Variants in BRPF3 observed in about 807,000 individuals in gnomAD.
BRPF3 encodes the protein bromodomain and PHD finger containing 3.
A neutral mutation model predicts 102.0 loss-of-function variants in BRPF3; 18 were observed. That is an observed-to-expected ratio of 0.18 (90% CI 0.12 to 0.26). The LOEUF (loss-of-function observed/expected upper bound fraction) is 0.26. Among genes scored for constraint, BRPF3 ranks in the 10% least tolerant of loss-of-function variants. The probability of loss-of-function intolerance (pLI) is 1.00; values close to 1 mark genes in which losing one functional copy is unlikely to be tolerated. For missense variants in BRPF3, 1,147 were observed against 1,567.8 expected, an observed-to-expected ratio of 0.73 and a Z score of 4.53; for synonymous variants, 570 against 614.2, an observed-to-expected ratio of 0.93 and a Z score of 1.06.
chr6:36,206,966 G>A (rs904356169), intron 3 of BRPF3, among the ~76,000 whole-genome samples: 1 of 152,096 alleles, frequency 6.6e-6, no homozygotes, highest in Admixed American at 6.5e-5. Flanking sequence ...TTCTAGCCAA[G>A]TGAAAGCTCT....
chr6:36,228,137 T>C (rs1399583157), intron 11 of BRPF3, among the ~76,000 whole-genome samples: 1 of 152,192 alleles, frequency 6.6e-6, no homozygotes, highest in African/African-American at 2.4e-5. Context: ...CTTGGTGTTT[T>C]CCTCTTGTCA....
In BRPF3 at chr6:36,211,437, CCACCACAGCCACCAT is replaced by C. The variant is rs761805217; in HGVS notation, c.2363_2377del (p.Pro788_Ser792del). ...TCGGCAGAAGCTGGCACAGCCACCA[CCACCACAGCCACCAT>C]CACTCAACAAGACAGTATCCAATGG... On this transcript the variant is annotated inframe_deletion, in exon 7 of 13. Coordinates refer to ENST00000357641, the MANE Select transcript of BRPF3 (RefSeq NM_015695.3). 54 of 1,609,730 alleles carry C rather than the reference CCACCACAGCCACCAT, an allele frequency of 3.4e-5. No individual in the cohort carries two copies. In the East Asian group the frequency reaches 1.2e-3, roughly 36 times the overall value.
intron 10 of BRPF3, among the ~76,000 whole-genome samples, chr6:36,223,888 A>T (rs1768639683): frequency 6.6e-6 from 1 of 152,220 alleles, no homozygotes; most frequent in South Asian, 2.1e-4. Context: ...GGCTCTTCAG[A>T]CATACTGCCA....
rs199680892 is a variant in BRPF3, at chr6:36,209,856, G to C, written c.1807G>C (p.Asp603His). ...PFNVLLRTTL[D>H]LLQEKDPAHI... Reference sequence around the variant, plus strand: ...CAATGTTCTGTTGAGGACAACACTGGACCTGCTGCAGGAGAAGGATCCTGC... The same window carrying C: ...CAATGTTCTGTTGAGGACAACACTGCACCTGCTGCAGGAGAAGGATCCTGC... Residue 603 changes from aspartate (D) to histidine (H), a missense_variant, in exon 5 of 13, where the codon GAC becomes CAC. Asp to His is a moderately conservative substitution (Grantham distance 81). Coordinates refer to ENST00000357641, the MANE Select transcript of BRPF3 (RefSeq NM_015695.3). The C allele has an allele frequency of 6.2e-7, 1 of 1,614,184 alleles. No individual in the cohort carries two copies. Among genetic ancestry groups the C allele is most frequent in the Admixed American group, 1.7e-5 (1 of 60,026 alleles).
At chr6:36,218,121 C>T (rs752490485) in intron 9 of BRPF3, 111 bp downstream of exon 9, 4 of 894,850 alleles carry the variant, frequency 4.5e-6, no homozygotes, top group Non-Finnish European at 6.8e-6. Context: ...TCTTCCCCCA[C>T]TCCTGCTATT....
intron 9 of BRPF3, among the ~76,000 whole-genome samples, chr6:36,218,523 G>C (rs1237507814): frequency 6.8e-6 from 1 of 148,004 alleles, no homozygotes; most frequent in South Asian, 2.2e-4. Flanking sequence ...GCAGTGGCCC[G>C]ATCTCGGCTC....
intron 8 of BRPF3, among the ~76,000 whole-genome samples, chr6:36,217,147 T>C (rs1193030842): frequency 4.6e-5 from 7 of 152,208 alleles, no homozygotes; most frequent in Admixed American, 4.6e-4. Context: ...GGCTCCCCAC[T>C]ATAAACAGAC....
At chr6:36,202,508 A>G (rs899035553) in intron 2 of BRPF3, among the ~76,000 whole-genome samples, 10 of 126,568 alleles carry the variant, frequency 7.9e-5, no homozygotes, top group East Asian at 2.6e-4. Flanking sequence ...GAGGGATGGG[A>G]GCTTGGCAGA....
intron 11 of BRPF3, among the ~76,000 whole-genome samples, chr6:36,226,500 C>T (rs1486122252): frequency 1.3e-5 from 2 of 152,160 alleles, no homozygotes; most frequent in African/African-American, 4.8e-5. Flanking sequence ...ACCTCCACCC[C>T]AGCGCTATCA....
At position 36,232,210 on chromosome 6, in the gene BRPF3, A is replaced by AG; in HGVS notation, c.*1603dup. ...AAACAATACAGCATATGGCTAGGGA[A>AG]GGACATGGTGTATATAATTGTAAAA... On this transcript the variant is annotated 3_prime_UTR_variant, in exon 13 of 13. Transcript: ENST00000357641. 6.5e-6 allele frequency: 1 copy of AG among 152,732 alleles called. No individual in the cohort carries two copies. Among genetic ancestry groups the AG allele is most frequent in the East Asian group, 1.9e-4 (1 of 5,190 alleles). The allele number at this position is 152,732 out of a possible 1,614,324, so 9.5% of individuals were successfully genotyped here.
At position 36,219,606 on chromosome 6, in the gene BRPF3, G is replaced by C. The variant is rs186429416; in HGVS notation, c.3083+1596G>C. On this transcript the variant is annotated intron_variant, in intron 9 of 12. Coordinates refer to ENST00000357641, the MANE Select transcript of BRPF3 (RefSeq NM_015695.3). ...AGGCTCTGGTTAGCCTGCTAATTCA[G>C]GTGGCGTGTTTGCCTTTCTGCAGAA... Among the ~76,000 whole-genome samples, 721 of 152,312 alleles carry C rather than the reference G, an allele frequency of 4.7e-3. 2 individuals are homozygous for C. Among genetic ancestry groups the C allele is most frequent in the Non-Finnish European group, 8.0e-3 (543 of 68,022 alleles).
Position 36,205,598 on chromosome 6 carries a change from T to G in BRPF3, c.1605+784T>G, listed in dbSNP as rs531033164. Among the ~76,000 whole-genome samples the G allele has an allele frequency of 2.0e-5, 3 of 152,330 alleles. No individual in the cohort carries two copies. The South Asian group carries it at 6.2e-4, about 32-fold the overall frequency. On this transcript the variant is annotated intron_variant, in intron 3 of 12. Transcript: ENST00000357641. ...GGAAGTCTTTCCTTATATTCTCACCTGATTGATCATTGGGCTGCATTTGAC... is the reference window on the plus strand; with the variant it reads ...GGAAGTCTTTCCTTATATTCTCACCGGATTGATCATTGGGCTGCATTTGAC...
intron 7 of BRPF3, 91 bp downstream of exon 7, chr6:36,211,651 G>A: frequency 7.0e-7 from 1 of 1,435,656 alleles, no homozygotes; most frequent in Non-Finnish European, 9.3e-7. Context: ...TTCTTTCTGA[G>A]TTTAGATCTG....
intron 11 of BRPF3, among the ~76,000 whole-genome samples, chr6:36,227,095 G>A (rs1161399079): frequency 6.6e-6 from 1 of 152,128 alleles, no homozygotes; most frequent in African/African-American, 2.4e-5. Flanking sequence ...AACACAACCT[G>A]TGTTTTTATT....
rs1361129435 is a variant in BRPF3, at chr6:36,201,477, C to T, written c.1155C>T (p.Ala385=). ...TGCGCAAGACTGCCTACTGTGAGGC[C>T]CACTCGCCACCAGGTGCGGCCACTG... ...FTVRKTAYCE[A]HSPPGAATAR... The change falls in exon 2 of 13, where the codon GCC becomes GCT. Residue 385 remains alanine (A), a synonymous_variant. Transcript: ENST00000357641. The surrounding 1 kb of genome is among the most constrained non-coding windows in gnomAD (Gnocchi z 5.1). The T allele has an allele frequency of 3.1e-6, 5 of 1,614,034 alleles. No individual in the cohort carries two copies. The highest frequency in any genetic ancestry group is 2.2e-5 in the South Asian group (2 of 91,074).
intron 3 of BRPF3, among the ~76,000 whole-genome samples, chr6:36,205,508 C>G (rs889841598): frequency 6.6e-6 from 1 of 152,198 alleles, no homozygotes; most frequent in African/African-American, 2.4e-5. Context: ...ATCTGGCCCG[C>G]CTTGAACCTT....
intron 4 of BRPF3, among the ~76,000 whole-genome samples, chr6:36,208,926 C>T (rs1252303238): frequency 6.6e-6 from 1 of 152,150 alleles, no homozygotes; most frequent in Non-Finnish European, 1.5e-5. Context: ...GCCTGGAGGC[C>T]CTGGTGACCC....
Position 36,201,649 on chromosome 6 carries a change from G to A in BRPF3, c.1327G>A (p.Gly443Arg), listed in dbSNP as rs1451506103. 1 of 1,614,188 alleles carries A rather than the reference G, an allele frequency of 6.2e-7. No individual in the cohort carries two copies. The highest frequency in any genetic ancestry group is 8.5e-7 in the Non-Finnish European group (1 of 1,180,024). Residue 443 changes from glycine to arginine, a missense_variant, in exon 2 of 13, where the codon GGA becomes AGA. Transcript: ENST00000357641. The surrounding 1 kb of genome is among the most constrained non-coding windows in gnomAD (Gnocchi z 5.1). ...AQGGVSGSLK[G>R]VPKKSKMSLK... ...AGGCGGGGTGAGTGGCTCCCTCAAG[G>A]GAGTGCCCAAGAAAAGCAAGATGAG...
chr6:36,229,500 G>A (rs1768860283), intron 12 of BRPF3, among the ~76,000 whole-genome samples: 1 of 152,222 alleles, frequency 6.6e-6, no homozygotes, highest in Non-Finnish European at 1.5e-5. Context: ...AGGCTTCCAT[G>A]GTGGAGAGTG....
Sources: allele counts gnomAD v4.1 joint callset (sites outside exome capture counted in the v4.1 genomes callset), GRCh38; gene constraint gnomAD v4.1.1; non-coding constraint Gnocchi (gnomAD v3.1); transcripts MANE v1.5; gene names NCBI Gene and HGNC (gene_info 2026-07-23, HGNC 2026-07-21).